The following MMP17 variants were observed in gnomAD, a reference collection of about 807,000 sequenced individuals.
MMP17 encodes matrix metalloproteinase-17.
A neutral mutation model predicts 49.1 loss-of-function variants in MMP17; 54 were observed. That is an observed-to-expected ratio of 1.10 (90% CI 0.88 to 1.38). The LOEUF (loss-of-function observed/expected upper bound fraction) is 1.38, where lower values mean the gene tolerates loss of function less well. Ranked by LOEUF, MMP17 falls within the 40% of genes most tolerant of loss-of-function variation. MMP17 has a pLI of 0.00. For missense variants in MMP17, 837 were observed against 853.7 expected, an observed-to-expected ratio of 0.98 and a Z score of 0.24; for synonymous variants, 397 against 383.1, an observed-to-expected ratio of 1.04 and a Z score of -0.42.
At chr12:131,836,085 C>G (rs1326998392) in intron 1 of MMP17, among the ~76,000 whole-genome samples, 2 of 152,236 alleles carry the variant, frequency 1.3e-5, no homozygotes, top group African/African-American at 4.8e-5. Flanking sequence ...CTTTGACGTC[C>G]TGTCGTGCCT....
intron 1 of MMP17, among the ~76,000 whole-genome samples, chr12:131,835,097 A>C (rs1327753653): frequency 2.0e-5 from 3 of 151,742 alleles, no homozygotes; most frequent in Non-Finnish European, 4.4e-5. Flanking sequence ...CCACCCTCTC[A>C]CTCCAGCCCC....
intron 8 of MMP17, among the ~76,000 whole-genome samples, chr12:131,848,414 C>T (rs12315026): frequency 0.028 from 4,257 of 152,228 alleles, 199 homozygotes; most frequent in African/African-American, 0.096. Flanking sequence ...AAATTGTGGG[C>T]GTGGTGAGCA....
At chr12:131,850,870 C>G (rs1394954475) in intron 9 of MMP17, 55 bp from the exon 10 acceptor site, 2 of 1,349,942 alleles carry the variant, frequency 1.5e-6, no homozygotes, top group East Asian at 2.9e-5. Flanking sequence ...CTGTCCGGCT[C>G]GAGCCCCTCC....
chr12:131,837,068 A>T (rs1887119344), intron 1 of MMP17, among the ~76,000 whole-genome samples: 1 of 152,174 alleles, frequency 6.6e-6, no homozygotes, highest in South Asian at 2.1e-4. Context: ...GCTCCTACTC[A>T]GCTCCGGTGT....
intron 5 of MMP17, among the ~76,000 whole-genome samples, chr12:131,843,139 A>AT (rs542932307): frequency 0.021 from 3,064 of 145,310 alleles, 53 homozygotes; most frequent in Non-Finnish European, 0.03. Context: ...AATTTTTTGT[A>AT]TTTTTTTTTT....
At chr12:131,848,493 G>C (rs563040012) in intron 8 of MMP17, among the ~76,000 whole-genome samples, 1 of 152,238 alleles carries the variant, frequency 6.6e-6, no homozygotes, top group Non-Finnish European at 1.5e-5. Context: ...TTGCTGTGCA[G>C]CTGTCACCTG....
At chr12:131,845,589 G>T in intron 8 of MMP17, 140 bp downstream of exon 8, 1 of 1,177,494 alleles carries the variant, frequency 8.5e-7, no homozygotes. Flanking sequence ...GTTTGCTTGT[G>T]CACTCAGCAG....
intron 1 of MMP17, among the ~76,000 whole-genome samples, chr12:131,830,220 C>T (rs1437625550): frequency 6.6e-6 from 1 of 152,250 alleles, no homozygotes; most frequent in African/African-American, 2.4e-5. Context: ...ACCCACCTGC[C>T]CCCCTGCCCG....
At position 131,845,150 on chromosome 12, in the gene MMP17, C is replaced by T; in HGVS notation, c.1001C>T (p.Thr334Ile). 1.2e-6 allele frequency: 2 copies of T among 1,614,080 alleles called. No homozygotes were observed. The highest frequency in any genetic ancestry group is 8.5e-7 in the Non-Finnish European group (1 of 1,179,944). Residue 334 changes from threonine to isoleucine, a missense_variant, in exon 7 of 10, where the codon ACT becomes ATT. Transcript: ENST00000360564. ...AAGGACGTGCCCCACAGATGCAGCA[C>T]TCACTTTGACGCGGTGGCCCAGATC... ...PRKDVPHRCS[T>I]HFDAVAQIRG...
At chr12:131,833,239 T>C (rs960778484) in intron 1 of MMP17, among the ~76,000 whole-genome samples, 7 of 152,242 alleles carry the variant, frequency 4.6e-5, no homozygotes, top group South Asian at 2.1e-4. Flanking sequence ...TGGGCACGAA[T>C]GACGTGGGCA....
In MMP17 at chr12:131,828,549, T is replaced by TCGCGGCTGC. The variant is rs1555255834; in HGVS notation, c.59_67dup (p.Arg20_Pro22dup). On this transcript the variant is annotated inframe_insertion, in exon 1 of 10. Coordinates refer to ENST00000360564, the MANE Select transcript of MMP17 (RefSeq NM_016155.7). ...CCCGCCGCCCCCAGGGCCCGGACTC[T>TCGCGGCTGC]CGCGGCTGCCGCTGCCGCTGCTGCT... The TCGCGGCTGC allele has an allele frequency of 2.1e-6, 1 of 465,242 alleles. No homozygotes were observed. Among genetic ancestry groups the TCGCGGCTGC allele is most frequent in the Non-Finnish European group, 2.4e-6 (1 of 412,858 alleles). The allele number at this position is 465,242 out of a possible 1,614,324, so 28.8% of individuals were successfully genotyped here. A position where few individuals can be genotyped will look rare whatever the true frequency, so the allele number is the denominator to read the frequency against.
At chr12:131,830,531 C>T (rs1378703783) in intron 1 of MMP17, among the ~76,000 whole-genome samples, 3 of 152,246 alleles carry the variant, frequency 2.0e-5, no homozygotes, top group African/African-American at 7.2e-5. Flanking sequence ...CCTCGGGGAA[C>T]CGCGGGCCGA....
In MMP17 at chr12:131,846,845, A is replaced by T. The variant is rs1188641314; in HGVS notation, c.1204+1396A>T. ...CGGGACCCCGTTTCCTTGCCGAGGT[A>T]AAGGGTGTTCTGCGTGTCTGTCAGG... On this transcript the variant is annotated intron_variant, in intron 8 of 9. Transcript: ENST00000360564. The surrounding 1 kb of genome is among the most constrained non-coding windows in gnomAD (Gnocchi z 4.6). Among the ~76,000 whole-genome samples, 1 of 152,178 alleles carries T rather than the reference A, an allele frequency of 6.6e-6. No homozygotes were observed. Among genetic ancestry groups the T allele is most frequent in the East Asian group, 1.9e-4 (1 of 5,190 alleles).
rs537064024 is a variant in MMP17 at position 131,841,469 on chromosome 12, C to T, written c.707-155C>T. On this transcript the variant is annotated intron_variant, in intron 4 of 9. Transcript: ENST00000360564. Reference sequence around the variant, plus strand: ...CCCCACAGAGCCCCCAGGGGAATCGCGTTAATTCCCAGTAACCCTGCAGAA... The same window carrying T: ...CCCCACAGAGCCCCCAGGGGAATCGTGTTAATTCCCAGTAACCCTGCAGAA... 2.6e-5 allele frequency among the ~76,000 whole-genome samples: 4 copies of T among 152,250 alleles called. No individual in the cohort carries two copies. In the East Asian group the frequency reaches 7.7e-4, roughly 29 times the overall value.
At chr12:131,843,699 T>C (rs2136332125) in intron 5 of MMP17, among the ~76,000 whole-genome samples, 1 of 152,340 alleles carries the variant, frequency 6.6e-6, no homozygotes, top group African/African-American at 2.4e-5. Flanking sequence ...TGAACAGTGC[T>C]GTGAAGGCTG....
At chr12:131,838,584 G>C in intron 2 of MMP17, 28 bp from the exon 3 acceptor site, 1 of 1,599,518 alleles carries the variant, frequency 6.3e-7, no homozygotes, top group South Asian at 1.1e-5. Context: ...AGCTGGGCTA[G>C]GCTCTGAGCT....
chr12:131,834,573 G>A (rs1454931005), intron 1 of MMP17, among the ~76,000 whole-genome samples: 3 of 152,084 alleles, frequency 2.0e-5, no homozygotes, highest in African/African-American at 7.2e-5. Context: ...CCACCCCAGC[G>A]GCCATCCTAC....
intron 1 of MMP17, among the ~76,000 whole-genome samples, chr12:131,837,675 G>C (rs1049998911): frequency 6.6e-6 from 1 of 152,230 alleles, no homozygotes; most frequent in Non-Finnish European, 1.5e-5. Context: ...GGTCGTGCAC[G>C]GCACAAGCTC....
chr12:131,838,478 C>T, intron 2 of MMP17, 134 bp from the exon 3 acceptor site: 1 of 1,452,972 alleles, frequency 6.9e-7, no homozygotes, highest in South Asian at 1.4e-5. Flanking sequence ...GGCTGGTCCC[C>T]CAAAGATGAC....
Sources: gnomAD v4.1 joint callset for allele counts (sites outside exome capture counted in the v4.1 genomes callset) on GRCh38, gnomAD v4.1.1 for gene constraint, Gnocchi (gnomAD v3.1) non-coding constraint, MANE v1.5 for transcripts, NCBI Gene and HGNC (gene_info 2026-07-23, HGNC 2026-07-21) for gene names.